Variants in ANKS1B observed in about 807,000 individuals in gnomAD.
ANKS1B encodes ankyrin repeat and sterile alpha motif domain containing 1B.
In ANKS1B, 36 loss-of-function variants were observed where a neutral mutation model predicts 148.3. The observed-to-expected ratio is 0.24, with a 90% CI of 0.19 to 0.32. The LOEUF is 0.32. Ranked by LOEUF, ANKS1B falls within the 10% of genes least tolerant of loss-of-function variation. ANKS1B has a pLI of 1.00. For missense variants in ANKS1B, 1,157 were observed against 1,542.6 expected (o/e 0.75, Z 4.19); for synonymous variants, 542 against 560.8 (o/e 0.97, Z 0.47).
chr12:99,281,684 G>A (rs545911882), intron 12 of ANKS1B, among the ~76,000 whole-genome samples: 80 of 152,134 alleles, frequency 5.3e-4, no homozygotes, highest in Non-Finnish European at 1.1e-3. Context: ...AAAAGAACTT[G>A]TGAAAAGTAA....
chr12:99,261,426 A>G (rs2075912530), intron 12 of ANKS1B, among the ~76,000 whole-genome samples: 1 of 151,916 alleles, frequency 6.6e-6, no homozygotes. Flanking sequence ...GCATACTGGG[A>G]CCTCTTTCCT....
rs573772929 is a variant in ANKS1B at position 99,857,248 on chromosome 12, C to T, written c.135-31859G>A. Among the ~76,000 whole-genome samples, 3 of 152,032 alleles carry T rather than the reference C, an allele frequency of 2.0e-5. No individual in the cohort carries two copies. In the East Asian group the frequency reaches 5.8e-4, roughly 29 times the overall value. Reference sequence around the variant, plus strand: ...CTGCTATACATCAACAGTTTCCAAGCTGAGAATCAAATCAAGAACTCAAGC... The same window carrying T: ...CTGCTATACATCAACAGTTTCCAAGTTGAGAATCAAATCAAGAACTCAAGC... On this transcript the variant is annotated intron_variant, in intron 1 of 26. Coordinates refer to ENST00000683438, the MANE Select transcript of ANKS1B (RefSeq NM_001352186.2).
intron 14 of ANKS1B, among the ~76,000 whole-genome samples, chr12:99,224,542 T>C (rs2085587373): frequency 6.6e-6 from 1 of 152,150 alleles, no homozygotes; most frequent in African/African-American, 2.4e-5. Context: ...CCATGTAAGA[T>C]GCCTATGCTT....
At chr12:99,136,107 T>G (rs768421179) in intron 15 of ANKS1B, among the ~76,000 whole-genome samples, 1 of 152,164 alleles carries the variant, frequency 6.6e-6, no homozygotes, top group Non-Finnish European at 1.5e-5. Flanking sequence ...GGTTAAAGAT[T>G]AAACAAGATT....
chr12:98,894,577 C>T (rs185471235), intron 17 of ANKS1B: 2 of 985,098 alleles, frequency 2.0e-6, no homozygotes, highest in African/African-American at 1.7e-5. Flanking sequence ...CTTGGAGCCA[C>T]GTCTCGGCGA....
At chr12:99,097,192 A>G (rs1007031054) in intron 15 of ANKS1B, 1 of 152,338 alleles carries the variant, frequency 6.6e-6, no homozygotes, top group African/African-American at 2.4e-5. Flanking sequence ...AGTTTATAGG[A>G]AAAGCACTGA....
chr12:99,392,691 T>A (rs1164006736), intron 12 of ANKS1B, among the ~76,000 whole-genome samples: 1 of 152,122 alleles, frequency 6.6e-6, no homozygotes, highest in Non-Finnish European at 1.5e-5. Context: ...CAGCTTCTTT[T>A]CCCCCAGCAA....
intron 8 of ANKS1B, chr12:99,772,643 A>C (rs757428573): frequency 1.3e-5 from 3 of 236,610 alleles, no homozygotes; most frequent in Non-Finnish European, 2.4e-5. Flanking sequence ...GTAAAACTAA[A>C]GGAACACAAC....
chr12:99,042,181 G>A (rs2099959484), intron 17 of ANKS1B, among the ~76,000 whole-genome samples: 1 of 152,120 alleles, frequency 6.6e-6, no homozygotes, highest in Admixed American at 6.5e-5. Context: ...CTATTGAGAG[G>A]TGAACTATAT....
downstream of ANKS1B, among the ~76,000 whole-genome samples, chr12:98,743,104 A>G (rs150857066): frequency 4.5e-4 from 68 of 152,282 alleles, no homozygotes; most frequent in African/African-American, 1.5e-3. Context: ...ATTTCTTTTC[A>G]GAAGTAATTA....
chr12:99,942,679 T>C (rs1387461266), intron 1 of ANKS1B, among the ~76,000 whole-genome samples: 2 of 152,136 alleles, frequency 1.3e-5, no homozygotes, highest in African/African-American at 4.8e-5. Context: ...ACTTGATGTA[T>C]TCATTCAATA....
rs1311551804 is a variant in ANKS1B, at chr12:99,296,903, CTG to C, written c.1757-50041_1757-50040del. On this transcript the variant is annotated intron_variant, in intron 12 of 26. Coordinates refer to ENST00000683438, the MANE Select transcript of ANKS1B (RefSeq NM_001352186.2). ...ATGAAATGATAGTTCTCTGGGAAGACTGTGGGAACTTGACTGTGACTTAAAGC... is the reference window on the plus strand; with the variant it reads ...ATGAAATGATAGTTCTCTGGGAAGACTGGGAACTTGACTGTGACTTAAAGC... Among the ~76,000 whole-genome samples, 5 of 152,224 alleles carry C rather than the reference CTG, an allele frequency of 3.3e-5. 1 individual carries two copies. The highest frequency in any genetic ancestry group is 3.3e-4 in the Admixed American group (5 of 15,270).
intron 9 of ANKS1B, among the ~76,000 whole-genome samples, chr12:99,563,550 A>G (rs35329807): frequency 0.054 from 8,201 of 152,260 alleles, 408 homozygotes; most frequent in African/African-American, 0.13. Flanking sequence ...TAATGGGCAC[A>G]GTTGTGTCAC....
chr12:99,589,131 T>C (rs2097674282), intron 9 of ANKS1B, among the ~76,000 whole-genome samples: 1 of 152,222 alleles, frequency 6.6e-6, no homozygotes, highest in Non-Finnish European at 1.5e-5. Flanking sequence ...TGAAATGGTC[T>C]CTCTCAAATC....
chr12:99,650,431 T>C (rs898646445), intron 9 of ANKS1B, among the ~76,000 whole-genome samples: 11 of 152,204 alleles, frequency 7.2e-5, no homozygotes, highest in Non-Finnish European at 1.5e-4. Flanking sequence ...TAGTAGGCAC[T>C]GTGTAAATGG....
At chr12:98,874,565 T>C (rs2099682666) in intron 17 of ANKS1B, among the ~76,000 whole-genome samples, 1 of 152,094 alleles carries the variant, frequency 6.6e-6, no homozygotes, top group Non-Finnish European at 1.5e-5. Flanking sequence ...TCCTGTTGTT[T>C]GGGGTGGATA....
chr12:99,891,478 C>G (rs1029118654), intron 1 of ANKS1B, among the ~76,000 whole-genome samples: 11 of 152,032 alleles, frequency 7.2e-5, no homozygotes. Context: ...ATTCTGACTC[C>G]CAAAATGCCA....
chr12:99,788,314 A>C lies in ANKS1B; in HGVS notation c.670-6217T>G, dbSNP rs183766526. 9.1e-4 allele frequency among the ~76,000 whole-genome samples: 139 copies of C among 152,304 alleles called. 1 individual carries two copies. The highest frequency in any genetic ancestry group is 1.2e-3 in the South Asian group (6 of 4,826). On this transcript the variant is annotated intron_variant, in intron 4 of 26. Transcript: ENST00000683438. ...CAGCTCAGCCATAGTAGGACAGGGCACTGGGCAGAGTTGTGAAGCCCTAAA... is the reference window on the plus strand; with the variant it reads ...CAGCTCAGCCATAGTAGGACAGGGCCCTGGGCAGAGTTGTGAAGCCCTAAA...
At chr12:99,731,263 C>T (rs1222751845) in intron 8 of ANKS1B, among the ~76,000 whole-genome samples, 3 of 152,118 alleles carry the variant, frequency 2.0e-5, no homozygotes, top group African/African-American at 4.8e-5. Flanking sequence ...GGATTAGAAG[C>T]GCACGCCACC....
Sources: allele counts gnomAD v4.1 joint callset (sites outside exome capture counted in the v4.1 genomes callset), GRCh38; gene constraint gnomAD v4.1.1; transcripts MANE v1.5; gene names NCBI Gene and HGNC (gene_info 2026-07-23, HGNC 2026-07-21).